NUB1: variants seen among roughly 807,000 people sequenced by gnomAD.
NUB1 encodes NEDD8 ultimate buster 1.
Under a neutral mutation model 77.1 loss-of-function variants are expected in NUB1, and 41 were observed. That is an observed-to-expected ratio of 0.53 (90% CI 0.41 to 0.69). The LOEUF is 0.69. NUB1 is among the 30% of genes least tolerant of loss of function. The probability of loss-of-function intolerance (pLI) is 0.00; values close to 1 mark genes in which losing one functional copy is unlikely to be tolerated. For synonymous variants in NUB1, 257 were observed against 281.0 expected (o/e 0.91, Z 0.85); for missense variants, 643 against 743.8 (o/e 0.86, Z 1.58).
chr7:151,360,317 C>G, intron 8 of NUB1, 70 bp downstream of exon 8: 2 of 750,948 alleles, frequency 2.7e-6, no homozygotes, highest in Non-Finnish European at 4.6e-6. Context: ...AACACCCTGC[C>G]ATGCCCTTGA....
chr7:151,376,032 G>A, intron 13 of NUB1, 89 bp downstream of exon 13: 2 of 830,184 alleles, frequency 2.4e-6, no homozygotes, highest in Admixed American at 3.5e-5. Flanking sequence ...GCAGGACTGG[G>A]GGAGTCCGTG....
intron 10 of NUB1, among the ~76,000 whole-genome samples, 169 bp from the exon 11 acceptor site, chr7:151,368,566 C>A (rs1797808311): frequency 6.6e-6 from 1 of 152,246 alleles, no homozygotes; most frequent in Admixed American, 6.5e-5. Context: ...TAGTGTTGGT[C>A]TGTTTCCATT....
intron 11 of NUB1, among the ~76,000 whole-genome samples, chr7:151,370,336 G>A (rs542381890): frequency 6.2e-4 from 95 of 152,050 alleles, no homozygotes; most frequent in African/African-American, 1.4e-3. Flanking sequence ...TGATCCTCCC[G>A]CCTTGGCCTC....
rs970617577 is a variant in NUB1, at chr7:151,368,743, G to C, written c.1104G>C (p.Gln368His). 6.2e-7 allele frequency: 1 copy of C among 1,607,378 alleles called. No individual in the cohort carries two copies. The highest frequency in any genetic ancestry group is 1.3e-5 in the African/African-American group (1 of 74,626). ...EAYEYLNKAR[Q>H]LFKELYIDPS... ...CATTTCCCTGTCTCTAGGCACGTCA[G>C]CTCTTTAAAGAGCTATATATTGATC... Residue 368 changes from glutamine (Q) to histidine (H), a missense_variant, in exon 11 of 15, where the codon CAG (glutamine) becomes CAC (histidine). Gln to His is a conservative substitution (Grantham distance 24). Transcript: ENST00000568733.
At chr7:151,369,018 T>A in intron 11 of NUB1, 131 bp downstream of exon 11, 1 of 1,094,084 alleles carries the variant, frequency 9.1e-7, no homozygotes, top group Non-Finnish European at 1.3e-6. Flanking sequence ...TGTCCTTTTT[T>A]TTTTCTTGAG....
At chr7:151,367,317 G>A (rs943782881) in intron 9 of NUB1, among the ~76,000 whole-genome samples, 192 bp downstream of exon 9, 2 of 152,144 alleles carry the variant, frequency 1.3e-5, no homozygotes, top group Non-Finnish European at 2.9e-5. Flanking sequence ...CTTACTTAGC[G>A]TGTGAGCATT....
chr7:151,376,338 T>C (rs1367978832), intron 13 of NUB1: 1 of 489,224 alleles, frequency 2.0e-6, no homozygotes, highest in African/African-American at 1.9e-5. Context: ...CTGTATGCTG[T>C]GGCCACTGAC....
At chr7:151,347,418 G>A (rs200618731) in intron 2 of NUB1, among the ~76,000 whole-genome samples, 22 of 149,736 alleles carry the variant, frequency 1.5e-4, no homozygotes, top group Non-Finnish European at 1.6e-4. Flanking sequence ...GTCTCTAAAA[G>A]AAAAAAAAAG....
chr7:151,344,739 C>T (rs537181845), intron 1 of NUB1, among the ~76,000 whole-genome samples: 7 of 150,504 alleles, frequency 4.7e-5, no homozygotes, highest in African/African-American at 7.2e-5. Flanking sequence ...TACAAGCTCA[C>T]GCCTGTAATC....
At chr7:151,358,382 G>A (rs958676577) in intron 7 of NUB1, among the ~76,000 whole-genome samples, 1 of 152,194 alleles carries the variant, frequency 6.6e-6, no homozygotes, top group African/African-American at 2.4e-5. Flanking sequence ...CACCCCACAG[G>A]CTGCAGATGG....
chr7:151,359,442 C>CAAA (rs59705983), intron 7 of NUB1, among the ~76,000 whole-genome samples: 2 of 109,336 alleles, frequency 1.8e-5, no homozygotes, highest in Admixed American at 1.0e-4. Flanking sequence ...GACTCTGTCT[C>CAAA]AAAAAAAAAA....
intron 7 of NUB1, among the ~76,000 whole-genome samples, chr7:151,358,600 G>T (rs749682596): frequency 6.6e-6 from 1 of 152,178 alleles, no homozygotes; most frequent in Non-Finnish European, 1.5e-5. Flanking sequence ...GAGGTAGAAT[G>T]TTTTCACCCT....
At chr7:151,342,372 A>G (rs937095445) in intron 1 of NUB1, among the ~76,000 whole-genome samples, 1 of 152,246 alleles carries the variant, frequency 6.6e-6, no homozygotes, top group African/African-American at 2.4e-5. Context: ...TTGACTAGAT[A>G]TAGTTGTGTT....
At chr7:151,357,142 G>A (rs573598198) in intron 7 of NUB1, among the ~76,000 whole-genome samples, 112 of 151,318 alleles carry the variant, frequency 7.4e-4, no homozygotes, top group African/African-American at 2.6e-3. Flanking sequence ...TCCGCCTTCT[G>A]GGTAGCTGGG....
chr7:151,366,245 A>T lies in NUB1; in HGVS notation c.801-694A>T, dbSNP rs144146617. 3.2e-3 allele frequency among the ~76,000 whole-genome samples: 486 copies of T among 152,254 alleles called. 1 individual carries two copies. Among genetic ancestry groups the T allele is most frequent in the African/African-American group, 0.01 (432 of 41,552 alleles). On this transcript the variant is annotated intron_variant, in intron 8 of 14. Coordinates refer to ENST00000568733, the MANE Select transcript of NUB1 (RefSeq NM_001243351.2). Reference sequence around the variant, plus strand: ...ATACGGAGTCAAATTTTGCCTGCACACAGGCCCTCAGAAATCAGCTGGGCC... The same window carrying T: ...ATACGGAGTCAAATTTTGCCTGCACTCAGGCCCTCAGAAATCAGCTGGGCC...
rs1004080185 is a variant in NUB1, at chr7:151,378,059, G to A, written c.*834G>A. ...TAGATATATTTTCTCCAGGTTTTTT[G>A]TGGGTTTTCTTTGTTGTTGTTGTTG... is the stretch of plus-strand genomic sequence containing the variant. On this transcript the variant is annotated 3_prime_UTR_variant, in exon 15 of 15. Transcript: ENST00000568733. 1 of 152,208 alleles carries A rather than the reference G, an allele frequency of 6.6e-6. No individual in the cohort carries two copies. The highest frequency in any genetic ancestry group is 2.4e-5 in the African/African-American group (1 of 41,440). The allele number at this position is 152,208 out of a possible 1,614,324, so 9.4% of individuals were successfully genotyped here.
chr7:151,364,432 CAAAA>C (rs113699534), intron 8 of NUB1, among the ~76,000 whole-genome samples: 1 of 146,690 alleles, frequency 6.8e-6, no homozygotes, highest in Non-Finnish European at 1.5e-5. Flanking sequence ...AAAACAAAAA[CAAAA>C]AAAAACAAAA....
intron 3 of NUB1, chr7:151,351,111 GGGTGCAGGCCAT>G: frequency 3.2e-6 from 1 of 314,110 alleles, no homozygotes; most frequent in East Asian, 9.0e-5. Flanking sequence ...GGAGGGAATG[GGGTGCAGGCCAT>G]GGTGTTTCTT....
chr7:151,376,395 C>A, intron 13 of NUB1: 1 of 529,474 alleles, frequency 1.9e-6, no homozygotes, highest in East Asian at 3.1e-5. Context: ...GCTCTCAGCC[C>A]GAGGTCACTG....
Sources: gnomAD v4.1 joint callset for allele counts (sites outside exome capture counted in the v4.1 genomes callset) on GRCh38, gnomAD v4.1.1 for gene constraint, MANE v1.5 for transcripts, NCBI Gene and HGNC (gene_info 2026-07-23, HGNC 2026-07-21) for gene names.